The following SFXN4 variants were observed in gnomAD, a reference collection of about 807,000 sequenced individuals.
SFXN4 encodes sideroflexin 4.
Under a neutral mutation model 54.6 loss-of-function variants are expected in SFXN4, and 48 were observed. That is an observed-to-expected ratio of 0.88 (90% confidence interval 0.70 to 1.12). SFXN4 has a LOEUF of 1.12. Ranked by LOEUF, SFXN4 falls within the 50% of genes most tolerant of loss-of-function variation. SFXN4 has a pLI of 0.00. For synonymous variants in SFXN4, 130 were observed against 145.5 expected (o/e 0.89, Z 0.77); for missense variants, 383 against 409.2 (o/e 0.94, Z 0.55).
At position 119,157,757 on chromosome 10, in the gene SFXN4, A is replaced by T. The variant is rs2420494; in HGVS notation, c.472-24T>A. On this transcript the variant is annotated intron_variant, in intron 8 of 13. Transcript: ENST00000355697. The stretch of plus-strand genomic sequence containing the variant: ...GTCTAAGGAGAAACAAAAGTACTTA[A>T]TTAGCAAATATCACAGTTTTATCCA... 1 allele frequency: 1,602,236 copies of T among 1,606,548 alleles called. 799,038 individuals are homozygous for T. Among genetic ancestry groups the T allele is most frequent in the East Asian group, 1 (44,800 of 44,800 alleles).
chr10:119,147,248 A>G lies in SFXN4; in HGVS notation c.818+527T>C, dbSNP rs570391950. ...TGCCCGTTCCGGCCCTAAAGCCCCAACGTCTCCCCTCGGGTCTGAGCTCCT... is the reference window on the plus strand; with the variant it reads ...TGCCCGTTCCGGCCCTAAAGCCCCAGCGTCTCCCCTCGGGTCTGAGCTCCT... On this transcript the variant is annotated intron_variant, in intron 12 of 13. Transcript: ENST00000355697. 3.3e-5 allele frequency among the ~76,000 whole-genome samples: 5 copies of G among 152,268 alleles called. No homozygotes were observed. In the South Asian group the frequency reaches 6.2e-4, roughly 19 times the overall value.
chr10:119,163,439 G>A (rs568434002), intron 2 of SFXN4, among the ~76,000 whole-genome samples: 4 of 151,656 alleles, frequency 2.6e-5, no homozygotes, highest in East Asian at 3.9e-4. Flanking sequence ...CGCTCGTCAC[G>A]CAGGCTGGAG....
chr10:119,147,175 G>A (rs1846852236), intron 12 of SFXN4, among the ~76,000 whole-genome samples: 1 of 152,148 alleles, frequency 6.6e-6, no homozygotes, highest in Admixed American at 6.6e-5. Context: ...ACAGGGAGGC[G>A]CGCCCAGCAG....
intron 11 of SFXN4, among the ~76,000 whole-genome samples, chr10:119,154,698 G>A (rs190241211): frequency 4.7e-4 from 71 of 152,260 alleles, no homozygotes; most frequent in African/African-American, 1.6e-3. Context: ...CAGGTGCAGT[G>A]GTGTGTGCCT....
intron 5 of SFXN4, 107 bp from the exon 6 acceptor site, chr10:119,159,860 C>T (rs1213095648): frequency 1.1e-5 from 13 of 1,197,894 alleles, no homozygotes; most frequent in Non-Finnish European, 1.6e-5. Flanking sequence ...TTCCAGAAGG[C>T]ACAGACCTCA....
chr10:119,160,588 CTTTTTT>C (rs1199404439), intron 5 of SFXN4, among the ~76,000 whole-genome samples: 1 of 116,420 alleles, frequency 8.6e-6, no homozygotes, highest in Non-Finnish European at 1.7e-5. Context: ...GTTTTCTTTT[CTTTTTT>C]TTTTTTTTTT....
At chr10:119,146,135 A>G in intron 13 of SFXN4, 101 bp downstream of exon 13, 1 of 716,516 alleles carries the variant, frequency 1.4e-6, no homozygotes, top group South Asian at 1.9e-5. Context: ...CTTATTTTAT[A>G]TTTTTATAAA....
rs780015392 is a variant in SFXN4, at chr10:119,159,753, G to A, written c.335C>T (p.Ala112Val). ...NLIPKLFRPA[A>V]FLPFMAPTVF... ...CGTGGGTGCCATGAAAGGCAGGAAC[G>A]CTGGCAGGAAGAGAAGAGAGGAGGT... is the stretch of plus-strand genomic sequence containing the variant. Residue 112 changes from alanine (A) to valine (V), a missense_variant and splice_region_variant, in exon 6 of 14, where the codon GCG (alanine) becomes GTG (valine). Physicochemically the swap from Ala to Val is moderately conservative, Grantham distance 64. Coordinates refer to ENST00000355697, the MANE Select transcript of SFXN4 (RefSeq NM_213649.2). The A allele has an allele frequency of 6.2e-6, 10 of 1,613,898 alleles. No individual in the cohort carries two copies. In the Admixed American group the frequency reaches 8.3e-5, roughly 13 times the overall value.
chr10:119,147,766 G>A lies in SFXN4; in HGVS notation c.818+9C>T. 1.2e-6 allele frequency: 2 copies of A among 1,611,344 alleles called. No individual in the cohort carries two copies. Among genetic ancestry groups the A allele is most frequent in the Non-Finnish European group, 1.7e-6 (2 of 1,177,492 alleles). On this transcript the variant is annotated intron_variant, in intron 12 of 13. Transcript: ENST00000355697. The stretch of plus-strand genomic sequence containing the variant: ...AATCCCTACCTGGGGATATGACCGT[G>A]TCTCTTACCTTTTAAAAAAGTAGGT...
At chr10:119,143,834 T>C (rs1846664385) in intron 13 of SFXN4, among the ~76,000 whole-genome samples, 1 of 152,162 alleles carries the variant, frequency 6.6e-6, no homozygotes, top group African/African-American at 2.4e-5. Flanking sequence ...CAGGCTGGTC[T>C]GGAACTCCTG....
chr10:119,141,724 A>T (rs1846531477), intron 13 of SFXN4, among the ~76,000 whole-genome samples: 1 of 152,068 alleles, frequency 6.6e-6, no homozygotes, highest in South Asian at 2.1e-4. Flanking sequence ...TTATAATTGA[A>T]AGTTTCCATT....
chr10:119,157,051 C>T (rs112260021), intron 9 of SFXN4, among the ~76,000 whole-genome samples: 24 of 152,316 alleles, frequency 1.6e-4, no homozygotes, highest in Middle Eastern at 3.4e-3. Context: ...CATCTTTCAC[C>T]ATTACAGTGT....
Position 119,146,326 on chromosome 10 carries a change from C to T in SFXN4, c.846G>A (p.Gly282=), listed in dbSNP as rs766944669. 1 of 1,613,134 alleles carries T rather than the reference C, an allele frequency of 6.2e-7. No individual in the cohort carries two copies. The highest frequency in any genetic ancestry group is 1.1e-5 in the South Asian group (1 of 91,010). ...KRTQYFRKNP[G]SLWILKLSCT... Reference sequence around the variant, plus strand: ...AAGACAGTTTCAAAATCCACAATGACCCTGGGTTTTTCCTGAAATACTGGG... The same window carrying T: ...AAGACAGTTTCAAAATCCACAATGATCCTGGGTTTTTCCTGAAATACTGGG... Residue 282 remains glycine, a synonymous_variant, in exon 13 of 14, where the codon GGG becomes GGA. Coordinates refer to ENST00000355697, the MANE Select transcript of SFXN4 (RefSeq NM_213649.2).
chr10:119,148,063 T>C (rs1308711611), intron 11 of SFXN4, among the ~76,000 whole-genome samples: 1 of 152,064 alleles, frequency 6.6e-6, no homozygotes, highest in Non-Finnish European at 1.5e-5. Context: ...TACCAGCTAC[T>C]TAGGAGACTG....
chr10:119,149,411 T>TC (rs934846475), intron 11 of SFXN4, among the ~76,000 whole-genome samples: 11 of 151,938 alleles, frequency 7.2e-5, no homozygotes, highest in Middle Eastern at 3.4e-3. Flanking sequence ...GGAATGCCTT[T>TC]CCCCCCCACA....
intron 1 of SFXN4, 151 bp from the exon 2 acceptor site, chr10:119,164,347 C>G (rs767650114): frequency 1.8e-6 from 1 of 566,678 alleles, no homozygotes; most frequent in African/African-American, 2.0e-5. Context: ...ATCCTCCCAA[C>G]CTCTCCAGGT....
chr10:119,161,540 C>A (rs1484468438), intron 3 of SFXN4, among the ~76,000 whole-genome samples: 1 of 151,530 alleles, frequency 6.6e-6, no homozygotes, highest in Non-Finnish European at 1.5e-5. Flanking sequence ...AGAGTGAAGG[C>A]CAGAGCTGTT....
At chr10:119,148,724 C>G (rs1053790148) in intron 11 of SFXN4, among the ~76,000 whole-genome samples, 9 of 152,120 alleles carry the variant, frequency 5.9e-5, no homozygotes, top group Admixed American at 3.9e-4. Context: ...TTTTTGTAAT[C>G]TTTTCTATAA....
intron 10 of SFXN4, 63 bp downstream of exon 10, chr10:119,156,614 AG>A: frequency 7.8e-7 from 1 of 1,287,326 alleles, no homozygotes; most frequent in Middle Eastern, 2.1e-4. Flanking sequence ...CTGGAGATGA[AG>A]GAAGGCTCAC....
Sources: allele counts gnomAD v4.1 joint callset (sites outside exome capture counted in the v4.1 genomes callset), GRCh38; gene constraint gnomAD v4.1.1; transcripts MANE v1.5; gene names NCBI Gene and HGNC (gene_info 2026-07-23, HGNC 2026-07-21).